Variants in CENPB observed in about 807,000 individuals in gnomAD.
CENPB encodes major centromere autoantigen B.
Under a neutral mutation model 41.9 loss-of-function variants are expected in CENPB, and 19 were observed. The ratio of observed to expected loss-of-function variants is 0.45; its 90% CI spans 0.32 to 0.67. The LOEUF (loss-of-function observed/expected upper bound fraction) is 0.67, where lower values mean the gene tolerates loss of function less well. Among genes scored for constraint, CENPB ranks in the 30% least tolerant of loss-of-function variants. The pLI, the probability that CENPB is intolerant of heterozygous loss-of-function variation, is 0.04. For missense variants in CENPB, 614 were observed against 816.2 expected (o/e 0.75, Z 3.02); for synonymous variants, 399 against 354.4 (o/e 1.13, Z -1.41).
At position 3,786,641 on chromosome 20, in the gene CENPB, G is replaced by C; in HGVS notation, c.-158C>G. ...GGCGGCGGGGCGACGACCCGGCCGG[G>C]CCGGGGGCACCTCCGGGGACGCCGG... On this transcript the variant is annotated 5_prime_UTR_variant, in exon 1 of 1. Transcript: ENST00000379751. 1 of 149,032 alleles carries C rather than the reference G, an allele frequency of 6.7e-6. No individual in the cohort carries two copies. The highest frequency in any genetic ancestry group is 1.5e-5 in the Non-Finnish European group (1 of 68,646). 9.2% of individuals were successfully genotyped at this position (149,032 alleles called of 1,614,324 possible).
rs756885952 is a variant in CENPB, at chr20:3,785,096, T to C, written c.1388A>G (p.Asp463Gly). The C allele has an allele frequency of 1.2e-6, 2 of 1,609,656 alleles. No homozygotes were observed. Among genetic ancestry groups the C allele is most frequent in the Non-Finnish European group, 1.7e-6 (2 of 1,178,102 alleles). ...DVDSDEEEEE[D>G]EESSSEGLEA... ...CAAGCCCTCCGAGGAGCTCTCCTCA[T>C]CTTCCTCCTCTTCTTCATCACTATC... Residue 463 changes from aspartate to glycine, a missense_variant, in exon 1 of 1, where the codon GAT (aspartate) becomes GGT (glycine). This residue lies in a region of CENPB where 537 missense variants were observed against 629.4 expected (regional missense o/e 0.85). Coordinates refer to ENST00000379751, the MANE Select transcript of CENPB (RefSeq NM_001810.6).
In CENPB at chr20:3,784,482, A is replaced by G; in HGVS notation, c.*202T>C. Reference sequence around the variant, plus strand: ...ATGGGGAGGAAAGAGGATTCTGAGAAAGAGGCAATAAGCAGGCAGTGAGGC... The same window carrying G: ...ATGGGGAGGAAAGAGGATTCTGAGAGAGAGGCAATAAGCAGGCAGTGAGGC... On this transcript the variant is annotated 3_prime_UTR_variant, in exon 1 of 1. Coordinates refer to ENST00000379751, the MANE Select transcript of CENPB (RefSeq NM_001810.6). This position sits in a 1 kb window ranked among gnomAD's most constrained non-coding sequence, Gnocchi z 5.2. 1 of 603,986 alleles carries G rather than the reference A, an allele frequency of 1.7e-6. No individual in the cohort carries two copies. Among genetic ancestry groups the G allele is most frequent in the Non-Finnish European group, 2.9e-6 (1 of 345,286 alleles). 37.4% of individuals were successfully genotyped at this position (603,986 alleles called of 1,614,324 possible).
Position 3,785,560 on chromosome 20 carries a change from G to T in CENPB, c.924C>A (p.Gly308=). 6.9e-6 allele frequency: 11 copies of T among 1,599,616 alleles called. No individual in the cohort carries two copies. The highest frequency in any genetic ancestry group is 9.4e-6 in the Non-Finnish European group (11 of 1,173,600). The change falls in exon 1 of 1, where the codon GGC becomes GGA. Residue 308 remains glycine (G), a synonymous_variant. Coordinates refer to ENST00000379751, the MANE Select transcript of CENPB (RefSeq NM_001810.6). ...RLAAQSLDTS[G]LRHVQLAFFP... ...AGAAGGCCAGCTGCACATGCCGCAG[G>T]CCCGAGGTGTCCAAGGACTGGGCAG...
chr20:3,784,605 C>T lies in CENPB; in HGVS notation c.*79G>A, dbSNP rs1018748997. On this transcript the variant is annotated 3_prime_UTR_variant, in exon 1 of 1. Coordinates refer to ENST00000379751, the MANE Select transcript of CENPB (RefSeq NM_001810.6). This position sits in a 1 kb window ranked among gnomAD's most constrained non-coding sequence, Gnocchi z 5.2. ...TGGGGCTCTGCACTCTGGCTCCATG[C>T]ACAGCGGGTGCCCAGAGAGTCCTCT... The T allele has an allele frequency of 2.0e-6, 3 of 1,525,136 alleles. No homozygotes were observed. Among genetic ancestry groups the T allele is most frequent in the Non-Finnish European group, 2.7e-6 (3 of 1,116,702 alleles). The allele number at this position is 1,525,136 out of a possible 1,614,324, so 94.5% of individuals were successfully genotyped here.
rs1463870627 is a variant in CENPB at position 3,785,195 on chromosome 20, T to C, written c.1289A>G (p.Glu430Gly). 9.6e-6 allele frequency: 9 copies of C among 937,644 alleles called. No individual in the cohort carries two copies. Among genetic ancestry groups the C allele is most frequent in the African/African-American group, 2.1e-5 (1 of 48,142 alleles). The allele number at this position is 937,644 out of a possible 1,614,324, so 58.1% of individuals were successfully genotyped here. A position where few individuals can be genotyped will look rare whatever the true frequency, so the allele number is the denominator to read the frequency against. The change falls in exon 1 of 1, where the codon GAG becomes GGG. Residue 430 changes from glutamate to glycine, a missense_variant. Around this residue, in one of 2 missense-constraint regions of CENPB, gnomAD observed 537 missense variants for 629.4 expected, o/e 0.85. Coordinates refer to ENST00000379751, the MANE Select transcript of CENPB (RefSeq NM_001810.6). ...GEGEEEEEEG[E>G]EEEEEGGEGE... ...TTCCCCCCCTTCCTCCTCCTCCTCC[T>C]CCCCTTCCTCCTCCTCTTCCTCTCC...
chr20:3,784,722 T>C lies in CENPB; in HGVS notation c.1762A>G (p.Arg588Gly). The part of the protein sequence containing the change: ...LVHVTRKNHA[R>G]QAGVRGLGHQ... Reference sequence around the variant, plus strand: ...CCAAGACCTCGAACTCCCGCCTGCCTGGCGTGGTTCTTCCTGGTCACATGA... The same window carrying C: ...CCAAGACCTCGAACTCCCGCCTGCCCGGCGTGGTTCTTCCTGGTCACATGA... The change falls in exon 1 of 1, where the codon AGG (arginine) becomes GGG (glycine). Residue 588 changes from arginine (R) to glycine (G), a missense_variant. This residue lies in a region of CENPB where 537 missense variants were observed against 629.4 expected (regional missense o/e 0.85). Transcript: ENST00000379751. The surrounding 1 kb of genome is among the most constrained non-coding windows in gnomAD (Gnocchi z 5.2). The C allele has an allele frequency of 6.2e-7, 1 of 1,614,154 alleles. No homozygotes were observed. The highest frequency in any genetic ancestry group is 8.5e-7 in the Non-Finnish European group (1 of 1,180,002).
In CENPB at chr20:3,785,974, A is replaced by G. The variant is rs1325318922; in HGVS notation, c.510T>C (p.Thr170=). 1.2e-5 allele frequency: 19 copies of G among 1,522,896 alleles called. No homozygotes were observed. The South Asian group carries it at 1.8e-4, about 14-fold the overall frequency. The allele number at this position is 1,522,896 out of a possible 1,614,324, so 94.3% of individuals were successfully genotyped here. A position where few individuals can be genotyped will look rare whatever the true frequency, so the allele number is the denominator to read the frequency against. The change falls in exon 1 of 1, where the codon ACT becomes ACC. Residue 170 remains threonine (T), a synonymous_variant. Transcript: ENST00000379751. The part of the protein sequence containing the change: ...VPSEGSGGST[T]GWRAREEQPP... ...GCTGCTCCTCCCGAGCGCGCCAACC[A>G]GTAGTGCTCCCGCCACTGCCCTCCG... is the stretch of plus-strand genomic sequence containing the variant.
Position 3,784,626 on chromosome 20 carries a change from C to A in CENPB, c.*58G>T, listed in dbSNP as rs2088800919. 6.3e-7 allele frequency: 1 copy of A among 1,577,654 alleles called. No individual in the cohort carries two copies. Among genetic ancestry groups the A allele is most frequent in the Non-Finnish European group, 8.7e-7 (1 of 1,154,682 alleles). ...CATGCACAGCGGGTGCCCAGAGAGTCCTCTGCCCTGGGGTGGTGCTGCCAA... is the reference window on the plus strand; with the variant it reads ...CATGCACAGCGGGTGCCCAGAGAGTACTCTGCCCTGGGGTGGTGCTGCCAA... On this transcript the variant is annotated 3_prime_UTR_variant, in exon 1 of 1. Coordinates refer to ENST00000379751, the MANE Select transcript of CENPB (RefSeq NM_001810.6). This position sits in a 1 kb window ranked among gnomAD's most constrained non-coding sequence, Gnocchi z 5.2.
chr20:3,785,027 C>T lies in CENPB; in HGVS notation c.1457G>A (p.Ser486Asn). The T allele has an allele frequency of 5.0e-6, 8 of 1,614,120 alleles. No homozygotes were observed. Among genetic ancestry groups the T allele is most frequent in the Non-Finnish European group, 6.8e-6 (8 of 1,180,014 alleles). ...WAQGVVEAGG[S>N]FGAYGAQEEA... ...CTCCTGGGCACCATAAGCCCCGAAGCTGCCACCGGCCTCCACTACTCCCTG... is the reference window on the plus strand; with the variant it reads ...CTCCTGGGCACCATAAGCCCCGAAGTTGCCACCGGCCTCCACTACTCCCTG... The change falls in exon 1 of 1, where the codon AGC (serine) becomes AAC (asparagine). Residue 486 changes from serine to asparagine, a missense_variant. Ser to Asn is a conservative substitution (Grantham distance 46, BLOSUM62 1). Around this residue, in one of 2 missense-constraint regions of CENPB, gnomAD observed 537 missense variants for 629.4 expected, o/e 0.85. Transcript: ENST00000379751.
In CENPB at chr20:3,785,806, G is replaced by T. The variant is rs750199272; in HGVS notation, c.678C>A (p.Ser226Arg). 2.5e-6 allele frequency: 4 copies of T among 1,609,500 alleles called. No individual in the cohort carries two copies. Among genetic ancestry groups the T allele is most frequent in the Non-Finnish European group, 2.5e-6 (3 of 1,178,224 alleles). ...CGTCGGCATTGGCGCATAGCAGGAC[G>T]CTCAGGCGCTGGGTGGCTTGACGCG... Reference protein sequence around the residue: ...GRPRQATQRLSVLLCANADGS... With the variant: ...GRPRQATQRLRVLLCANADGS... Residue 226 changes from serine (S) to arginine (R), a missense_variant, in exon 1 of 1, where the codon AGC (serine) becomes AGA (arginine). Ser to Arg is a moderately radical substitution (Grantham distance 110, BLOSUM62 -1). Coordinates refer to ENST00000379751, the MANE Select transcript of CENPB (RefSeq NM_001810.6).
rs1298367900 is a variant in CENPB at position 3,786,259 on chromosome 20, G to A, written c.225C>T (p.Asp75=). ...CRKTNKLSPY[D]KLEGLLIAWF... The stretch of plus-strand genomic sequence containing the variant: ...AGGCGATGAGCAAGCCCTCGAGCTT[G>A]TCGTAGGGAGACAGCTTGTTGGTCT... The change falls in exon 1 of 1, where the codon GAC becomes GAT. Residue 75 remains aspartate, a synonymous_variant. Coordinates refer to ENST00000379751, the MANE Select transcript of CENPB (RefSeq NM_001810.6). 8 of 1,606,570 alleles carry A rather than the reference G, an allele frequency of 5.0e-6. No individual in the cohort carries two copies. Among genetic ancestry groups the A allele is most frequent in the Middle Eastern group, 1.6e-4 (1 of 6,078 alleles).
rs1239031263 is a variant in CENPB, at chr20:3,785,236, C to A, written c.1248G>T (p.Glu416Asp). 1 of 1,559,476 alleles carries A rather than the reference C, an allele frequency of 6.4e-7. No homozygotes were observed. The highest frequency in any genetic ancestry group is 1.2e-5 in the South Asian group (1 of 84,196). The part of the protein sequence containing the change: ...EEEEEEEEEE[E>D]EEEGEGEEEE... ...CTTCCTCTCCTTCACCCTCTTCCTC[C>A]TCCTCTTCTTCCTCCTCCTCCTCCT... Residue 416 changes from glutamate to aspartate, a missense_variant, in exon 1 of 1, where the codon GAG becomes GAT. Physicochemically the swap from Glu to Asp is conservative, Grantham distance 45. This residue lies in a region of CENPB where 537 missense variants were observed against 629.4 expected (regional missense o/e 0.85). Coordinates refer to ENST00000379751, the MANE Select transcript of CENPB (RefSeq NM_001810.6).
Position 3,786,468 on chromosome 20 carries a change from G to A in CENPB, c.16C>T (p.Arg6Ter), listed in dbSNP as rs2088825840. The change falls in exon 1 of 1, where the codon CGA (arginine) becomes TGA (stop). Residue 6 changes from arginine (R) to a stop codon, truncating the protein, a stop_gained. Coordinates refer to ENST00000379751, the MANE Select transcript of CENPB (RefSeq NM_001810.6). LOFTEE classifies it high-confidence loss of function. MGPKR[R>*]QLTFREKSRI... ...GACTTCTCCCGGAACGTCAGCTGTC[G>A]CCTCTTGGGGCCCATCCCGGCGCGC... 1.3e-6 allele frequency: 2 copies of A among 1,490,412 alleles called. No homozygotes were observed. The highest frequency in any genetic ancestry group is 1.8e-6 in the Non-Finnish European group (2 of 1,120,806). The allele number at this position is 1,490,412 out of a possible 1,614,324, so 92.3% of individuals were successfully genotyped here.
chr20:3,785,393 G>A lies in CENPB; in HGVS notation c.1091C>T (p.Ala364Val). 1.2e-6 allele frequency: 2 copies of A among 1,601,394 alleles called. No individual in the cohort carries two copies. Among genetic ancestry groups the A allele is most frequent in the East Asian group, 2.3e-5 (1 of 44,214 alleles). Residue 364 changes from alanine (A) to valine (V), a missense_variant, in exon 1 of 1, where the codon GCC becomes GTC. By Grantham distance (64) the Ala-to-Val change is moderately conservative (BLOSUM62 0). This residue lies in a region of CENPB where 537 missense variants were observed against 629.4 expected (regional missense o/e 0.85). Coordinates refer to ENST00000379751, the MANE Select transcript of CENPB (RefSeq NM_001810.6). The part of the protein sequence containing the change: ...PSGLQLGLTE[A>V]LHFVAAAWQA... ...CCAGGCGGCAGCCACAAAGTGCAGG[G>A]CCTCCGTGAGACCCAGCTGCAGGCC...
rs1005577078 is a variant in CENPB at position 3,783,989 on chromosome 20, G to C, written c.*695C>G. 72 of 152,718 alleles carry C rather than the reference G, an allele frequency of 4.7e-4. No homozygotes were observed. Among genetic ancestry groups the C allele is most frequent in the African/African-American group, 1.6e-3 (67 of 41,588 alleles). 9.5% of individuals were successfully genotyped at this position (152,718 alleles called of 1,614,324 possible). On this transcript the variant is annotated 3_prime_UTR_variant, in exon 1 of 1. Coordinates refer to ENST00000379751, the MANE Select transcript of CENPB (RefSeq NM_001810.6). The surrounding 1 kb of genome is among the most constrained non-coding windows in gnomAD (Gnocchi z 4.2). Reference sequence around the variant, plus strand: ...GCCCAGGATGGGGCCCTGCCAGAGAGGGAGGAGAGGCATGGGGCCTGCAGC... The same window carrying C: ...GCCCAGGATGGGGCCCTGCCAGAGACGGAGGAGAGGCATGGGGCCTGCAGC...
chr20:3,785,611 C>T lies in CENPB; in HGVS notation c.873G>A (p.Arg291=). 1 of 1,602,522 alleles carries T rather than the reference C, an allele frequency of 6.2e-7. No individual in the cohort carries two copies. The highest frequency in any genetic ancestry group is 8.5e-7 in the Non-Finnish European group (1 of 1,174,996). The change falls in exon 1 of 1, where the codon CGG becomes CGA. Residue 291 remains arginine (R), a synonymous_variant. Coordinates refer to ENST00000379751, the MANE Select transcript of CENPB (RefSeq NM_001810.6). ...LDTRMAAESR[R]VLLLAGRLAA... ...CCAAGCGGCCGGCCAACAGCAGGAC[C>T]CGGCGAGACTCTGCAGCCATTCGGG...
rs1198825264 is a variant in CENPB, at chr20:3,786,570, G to A, written c.-87C>T. 3.2e-5 allele frequency: 10 copies of A among 315,564 alleles called. No individual in the cohort carries two copies. Among genetic ancestry groups the A allele is most frequent in the Admixed American group, 1.4e-4 (2 of 14,736 alleles). 19.5% of individuals were successfully genotyped at this position (315,564 alleles called of 1,614,324 possible). A position where few individuals can be genotyped will look rare whatever the true frequency, so the allele number is the denominator to read the frequency against. On this transcript the variant is annotated 5_prime_UTR_variant, in exon 1 of 1. Transcript: ENST00000379751. The stretch of plus-strand genomic sequence containing the variant: ...GGGCCCGTGGCGGGGGGCACCTGGC[G>A]GCCTCTCCCGCGCGCCCCGCCCGAG...
rs2088817240 is a variant in CENPB at position 3,785,760 on chromosome 20, G to A, written c.724C>T (p.Leu242=). ...GGCTTGGCCGACTTGCCGGCCACCAGCGGGGGCAGCTTCTCGCTGCCGTCG... is the reference window on the plus strand; with the variant it reads ...GGCTTGGCCGACTTGCCGGCCACCAACGGGGGCAGCTTCTCGCTGCCGTCG... ...NADGSEKLPP[L]VAGKSAKPRA... Residue 242 remains leucine (L), a synonymous_variant, in exon 1 of 1, where the codon CTG becomes TTG. Coordinates refer to ENST00000379751, the MANE Select transcript of CENPB (RefSeq NM_001810.6). 2 of 1,609,004 alleles carry A rather than the reference G, an allele frequency of 1.2e-6. No individual in the cohort carries two copies. Among genetic ancestry groups the A allele is most frequent in the Admixed American group, 1.7e-5 (1 of 59,608 alleles).
rs548249558 is a variant in CENPB, at chr20:3,786,622, G to GGGGCGACGACC, written c.-150_-140dup. 0.012 allele frequency: 1,904 copies of GGGGCGACGACC among 164,208 alleles called. 29 individuals are homozygous for GGGGCGACGACC. The highest frequency in any genetic ancestry group is 0.029 in the South Asian group (154 of 5,226). The allele number at this position is 164,208 out of a possible 1,614,324, so 10.2% of individuals were successfully genotyped here. On this transcript the variant is annotated 5_prime_UTR_variant, in exon 1 of 1. Coordinates refer to ENST00000379751, the MANE Select transcript of CENPB (RefSeq NM_001810.6). Reference sequence around the variant, plus strand: ...CAAAGCGGCTCGCGGGCGCGGCGGCGGGGCGACGACCCGGCCGGGCCGGGG... The same window carrying GGGGCGACGACC: ...CAAAGCGGCTCGCGGGCGCGGCGGCGGGGCGACGACCGGGCGACGACCCGGCCGGGCCGGGG...
Sources: gnomAD v4.1 joint callset for allele counts on GRCh38, gnomAD v4.1.1 for gene constraint, gnomAD v4.1.1 regional missense constraint, Gnocchi (gnomAD v3.1) non-coding constraint, MANE v1.5 for transcripts, NCBI Gene and HGNC (gene_info 2026-07-23, HGNC 2026-07-21) for gene names.